Variants in EXOC4 observed in about 807,000 individuals in gnomAD.
The protein encoded by EXOC4 is exocyst complex component 4.
A neutral mutation model predicts 107.2 loss-of-function variants in EXOC4; 71 were observed. The ratio of observed to expected loss-of-function variants is 0.66; its 90% confidence interval spans 0.55 to 0.81. EXOC4 has a LOEUF of 0.81. Among genes scored for constraint, EXOC4 ranks in the 30% least tolerant of loss-of-function variants. The probability of loss-of-function intolerance (pLI) is 0.00; values close to 1 mark genes in which losing one functional copy is unlikely to be tolerated. For synonymous variants in EXOC4, 456 were observed against 441.2 expected, an observed-to-expected ratio of 1.03 and a Z score of -0.42; for missense variants, 1,108 against 1,189.6, an observed-to-expected ratio of 0.93 and a Z score of 1.01.
chr7:133,782,465 C>A (rs1352286275), intron 10 of EXOC4, among the ~76,000 whole-genome samples: 1 of 152,148 alleles, frequency 6.6e-6, no homozygotes, highest in African/African-American at 2.4e-5. Flanking sequence ...ATGCTCCCTG[C>A]ATGTTGATTT....
intron 12 of EXOC4, among the ~76,000 whole-genome samples, chr7:133,899,633 T>A (rs531444009): frequency 6.6e-6 from 1 of 152,292 alleles, no homozygotes; most frequent in Admixed American, 6.5e-5. Flanking sequence ...CAGTTTCTGG[T>A]ATGCCCTGGT....
At chr7:133,984,827 A>C (rs770949080) in intron 14 of EXOC4, among the ~76,000 whole-genome samples, 2 of 152,144 alleles carry the variant, frequency 1.3e-5, no homozygotes, top group Non-Finnish European at 1.5e-5. Context: ...ACAACTCCCT[A>C]AGTTGTGTAT....
At chr7:133,529,602 C>G (rs1800143326) in intron 9 of EXOC4, among the ~76,000 whole-genome samples, 1 of 152,138 alleles carries the variant, frequency 6.6e-6, no homozygotes, top group South Asian at 2.1e-4. Flanking sequence ...AATTGTGAAG[C>G]AGGTATTCAT....
the EXOC4 span, among the ~76,000 whole-genome samples, chr7:134,092,042 C>A: frequency 6.6e-6 from 1 of 152,072 alleles, no homozygotes; most frequent in Non-Finnish European, 1.5e-5. Flanking sequence ...ATCTGAAACA[C>A]CTTTGTTCTT....
chr7:133,894,047 G>C lies in EXOC4; in HGVS notation c.1735-1552G>C, dbSNP rs199741058. Among the ~76,000 whole-genome samples, 38 of 73,224 alleles carry C rather than the reference G, an allele frequency of 5.2e-4. 1 individual carries two copies. The highest frequency in any genetic ancestry group is 2.2e-3 in the East Asian group (7 of 3,170). 48.0% of individuals were successfully genotyped at this position (73,224 alleles called of 152,430 possible). ...GTTTTCCAACTTGGTTCCATTCTCCGCATCACTTTCAGGTACACCAATCAG... is the reference window on the plus strand; with the variant it reads ...GTTTTCCAACTTGGTTCCATTCTCCCCATCACTTTCAGGTACACCAATCAG... On this transcript the variant is annotated intron_variant, in intron 11 of 17. Transcript: ENST00000253861.
chr7:134,062,324 AC>A (rs1796082772), intron 17 of EXOC4, among the ~76,000 whole-genome samples: 1 of 152,228 alleles, frequency 6.6e-6, no homozygotes, highest in African/African-American at 2.4e-5. Flanking sequence ...GTGAAAAGAC[AC>A]CACAACTCTT....
chr7:133,485,739 A>G (rs1027072546), intron 9 of EXOC4, among the ~76,000 whole-genome samples: 2 of 152,210 alleles, frequency 1.3e-5, no homozygotes, highest in African/African-American at 4.8e-5. Context: ...TAAGACATAT[A>G]TGATGAACAC....
chr7:133,354,785 G>T (rs1036175175), intron 5 of EXOC4, among the ~76,000 whole-genome samples: 3 of 152,210 alleles, frequency 2.0e-5, no homozygotes, highest in Admixed American at 2.0e-4. Flanking sequence ...CTGCCACAGT[G>T]CTAGGTAGCT....
chr7:133,825,685 T>A (rs1420010141), intron 11 of EXOC4, among the ~76,000 whole-genome samples: 2 of 152,210 alleles, frequency 1.3e-5, no homozygotes, highest in Non-Finnish European at 2.9e-5. Flanking sequence ...TGAAGAATGT[T>A]GCATTTGAGT....
intron 9 of EXOC4, among the ~76,000 whole-genome samples, chr7:133,548,540 C>T (rs1447784218): frequency 1.3e-5 from 2 of 152,202 alleles, no homozygotes; most frequent in African/African-American, 2.4e-5. Flanking sequence ...GTGTAGCCAC[C>T]ATCAATGATC....
At chr7:133,741,015 A>G (rs1795552754) in intron 10 of EXOC4, among the ~76,000 whole-genome samples, 1 of 152,208 alleles carries the variant, frequency 6.6e-6, no homozygotes, top group African/African-American at 2.4e-5. Flanking sequence ...TGGTGGAAAC[A>G]GTCACATACA....
At chr7:133,410,294 A>G (rs1294309973) in intron 7 of EXOC4, among the ~76,000 whole-genome samples, 1 of 152,168 alleles carries the variant, frequency 6.6e-6, no homozygotes, top group Non-Finnish European at 1.5e-5. Flanking sequence ...AAAGCATTAT[A>G]TTAGGGAAAA....
intron 9 of EXOC4, among the ~76,000 whole-genome samples, chr7:133,565,430 T>A (rs1800889160): frequency 6.6e-6 from 1 of 152,180 alleles, no homozygotes; most frequent in Non-Finnish European, 1.5e-5. Context: ...AGATGCTACC[T>A]ACTCAAAGGT....
intron 10 of EXOC4, among the ~76,000 whole-genome samples, chr7:133,768,929 A>G (rs1796190966): frequency 6.6e-6 from 1 of 152,110 alleles, no homozygotes; most frequent in South Asian, 2.1e-4. Context: ...AGAGGCCACG[A>G]CACTTAAACT....
chr7:133,896,800 G>A (rs1456579304), intron 12 of EXOC4, among the ~76,000 whole-genome samples: 4 of 144,440 alleles, frequency 2.8e-5, no homozygotes, highest in African/African-American at 1.1e-4. Context: ...TGAGTAGCTG[G>A]GACTACAGGT....
intron 5 of EXOC4, among the ~76,000 whole-genome samples, chr7:133,355,164 T>C (rs1245531261): frequency 6.6e-6 from 1 of 152,236 alleles, no homozygotes; most frequent in East Asian, 1.9e-4. Flanking sequence ...CTAGTAGTGC[T>C]GAATAACTTA....
intron 10 of EXOC4, among the ~76,000 whole-genome samples, chr7:133,777,850 G>T (rs996016045): frequency 6.6e-6 from 1 of 152,122 alleles, no homozygotes; most frequent in African/African-American, 2.4e-5. Flanking sequence ...ATCCTCTGGC[G>T]TATAGCTAGT....
intron 12 of EXOC4, among the ~76,000 whole-genome samples, chr7:133,917,194 C>T (rs190521671): frequency 2.6e-5 from 4 of 152,276 alleles, no homozygotes; most frequent in Non-Finnish European, 5.9e-5. Flanking sequence ...CTTCCGTCAC[C>T]TTTCAGGTAC....
chr7:133,632,162 C>T (rs1403352038), intron 10 of EXOC4, among the ~76,000 whole-genome samples: 2 of 152,098 alleles, frequency 1.3e-5, no homozygotes, highest in African/African-American at 4.8e-5. Context: ...TAATGTATTA[C>T]AGTTCTTGAC....
Sources: allele counts gnomAD v4.1 joint callset (sites outside exome capture counted in the v4.1 genomes callset), GRCh38; gene constraint gnomAD v4.1.1; transcripts MANE v1.5; gene names NCBI Gene and HGNC (gene_info 2026-07-23, HGNC 2026-07-21).